The following IRAG1 variants were observed in gnomAD, a reference collection of about 807,000 sequenced individuals.
IRAG1 encodes inositol 1,4,5-triphosphate receptor associated 1, also known as IP3R-associated cGMP kinase substrate.
Under a neutral mutation model 106.2 loss-of-function variants are expected in IRAG1, and 62 were observed. That is an observed-to-expected ratio of 0.58 (90% CI 0.48 to 0.72). The LOEUF (loss-of-function observed/expected upper bound fraction) is 0.72. Among genes scored for constraint, IRAG1 ranks in the 30% least tolerant of loss-of-function variants. The pLI is 0.00. For missense variants in IRAG1, 1,064 were observed against 1,140.7 expected (o/e 0.93, Z 0.97); for synonymous variants, 462 against 443.9 (o/e 1.04, Z -0.51).
intron 1 of IRAG1, among the ~76,000 whole-genome samples, chr11:10,654,282 G>A (rs987993593): frequency 6.6e-6 from 1 of 152,210 alleles, no homozygotes; most frequent in African/African-American, 2.4e-5. Flanking sequence ...TGAGCTCCTT[G>A]AGCTAGGCAA....
intron 1 of IRAG1, among the ~76,000 whole-genome samples, chr11:10,656,037 G>A (rs1858895135): frequency 6.6e-6 from 1 of 152,134 alleles, no homozygotes; most frequent in Non-Finnish European, 1.5e-5. Context: ...AAAATAGCAA[G>A]GTAAAAGGAG....
At chr11:10,618,218 T>TGC (rs1855576026) in intron 10 of IRAG1, among the ~76,000 whole-genome samples, 3 of 152,138 alleles carry the variant, frequency 2.0e-5, no homozygotes, top group African/African-American at 7.2e-5. Flanking sequence ...TTGGGATGAC[T>TGC]TTCTCTTCCC....
rs35468145 is a variant in IRAG1, at chr11:10,626,448, G to A, written c.886C>T (p.Leu296Phe). ...TTGGGTGTGGTCTCGGGGTACTGGA[G>A]GGGATCGAAGTTTTCCTTTTGTTCT... ...AIEQKENFDP[L>F]QYPETTPKGL... Residue 296 changes from leucine to phenylalanine, a missense_variant, in exon 9 of 21, where the codon CTC becomes TTC. Leu to Phe is a conservative substitution (Grantham distance 22, BLOSUM62 0). Transcript: ENST00000423302. 0.039 allele frequency: 62,434 copies of A among 1,613,876 alleles called. 1,476 individuals carry two copies. The highest frequency in any genetic ancestry group is 0.055 in the South Asian group (4,994 of 91,062).
chr11:10,680,808 C>T (rs1156801417), intron 1 of IRAG1, among the ~76,000 whole-genome samples: 1 of 152,122 alleles, frequency 6.6e-6, no homozygotes, highest in East Asian at 1.9e-4. Context: ...AGAACAATGC[C>T]TTTTGTGACA....
intron 17 of IRAG1, among the ~76,000 whole-genome samples, chr11:10,592,617 TAGAG>T (rs1032502492): frequency 4.6e-5 from 7 of 152,150 alleles, no homozygotes; most frequent in Non-Finnish European, 1.0e-4. Flanking sequence ...AAGAAAGAAT[TAGAG>T]AGAATTAGCC....
rs546509492 is a variant in IRAG1, at chr11:10,643,015, C to G, written c.226-8944G>C. Among the ~76,000 whole-genome samples, 158 of 152,000 alleles carry G rather than the reference C, an allele frequency of 1.0e-3. 1 individual carries two copies. The highest frequency in any genetic ancestry group is 3.6e-3 in the African/African-American group (150 of 41,474). ...TGAAACCCCGTCTCTACTAAAAATA[C>G]AAAAGCAAAATTAGCCGGGCATGGT... On this transcript the variant is annotated intron_variant, in intron 2 of 20. Transcript: ENST00000423302.
intron 15 of IRAG1, among the ~76,000 whole-genome samples, chr11:10,597,818 A>C (rs774916133): frequency 6.6e-6 from 1 of 152,214 alleles, no homozygotes; most frequent in Non-Finnish European, 1.5e-5. Flanking sequence ...AGTCATCTTC[A>C]GTGAGGCTTT....
chr11:10,661,792 C>A (rs1394714402), intron 1 of IRAG1, among the ~76,000 whole-genome samples: 2 of 152,154 alleles, frequency 1.3e-5, no homozygotes, highest in Admixed American at 6.5e-5. Flanking sequence ...CCAATTTAAT[C>A]ATATCTGCAA....
rs1202898949 is a variant in IRAG1 at position 10,576,403 on chromosome 11, T to G, written c.2668A>C (p.Thr890Pro). 2.5e-6 allele frequency: 4 copies of G among 1,613,840 alleles called. No homozygotes were observed. Residue 890 changes from threonine to proline, a missense_variant, in exon 21 of 21, where the codon ACT becomes CCT. Transcript: ENST00000423302. ...GAGTCCCTCTGGGCTGCCGAGCAAG[T>G]GGATCTTCCAAGGGGCCCATCAGCC... ...EQADGPLGRS[T>P]CSAAQRDSWW...
chr11:10,687,875 T>TG, intron 1 of IRAG1: 2 of 1,122,722 alleles, frequency 1.8e-6, no homozygotes, highest in African/African-American at 3.7e-5. Context: ...TTGCTTTTTT[T>TG]TGGGGGGGGG....
In IRAG1 at chr11:10,575,035, T is replaced by C. The variant is rs1331736263; in HGVS notation, c.*1297A>G. Reference sequence around the variant, plus strand: ...TGGCTCATAGTAAGTCGTATATGAGTTTTAGCAATGAAAGCAAACAATATC... The same window carrying C: ...TGGCTCATAGTAAGTCGTATATGAGCTTTAGCAATGAAAGCAAACAATATC... On this transcript the variant is annotated 3_prime_UTR_variant, in exon 21 of 21. Coordinates refer to ENST00000423302, the MANE Select transcript of IRAG1 (RefSeq NM_130385.4). 1.3e-5 allele frequency: 2 copies of C among 152,052 alleles called. No homozygotes were observed. The highest frequency in any genetic ancestry group is 4.8e-5 in the African/African-American group (2 of 41,392). 9.4% of individuals were successfully genotyped at this position (152,052 alleles called of 1,614,324 possible). A position where few individuals can be genotyped will look rare whatever the true frequency, so the allele number is the denominator to read the frequency against.
At chr11:10,591,699 CG>C in intron 17 of IRAG1, 87 bp from the exon 18 acceptor site, 2 of 1,205,614 alleles carry the variant, frequency 1.7e-6, no homozygotes, top group South Asian at 2.6e-5. Flanking sequence ...ATGCTGGGAG[CG>C]GGGCTGCTGC....
intron 9 of IRAG1, among the ~76,000 whole-genome samples, chr11:10,624,302 C>A (rs143860280): frequency 1.3e-5 from 2 of 152,252 alleles, no homozygotes; most frequent in South Asian, 4.1e-4. Context: ...CCTGTCATTC[C>A]GGGCAGTGAC....
chr11:10,600,897 G>A, intron 15 of IRAG1, 21 bp downstream of exon 15: 3 of 1,613,762 alleles, frequency 1.9e-6, no homozygotes, highest in Non-Finnish European at 2.5e-6. Flanking sequence ...GCCAAGATGG[G>A]GCAGGAGCCT....
intron 2 of IRAG1, among the ~76,000 whole-genome samples, chr11:10,649,026 G>A (rs1858223024): frequency 6.6e-6 from 1 of 152,146 alleles, no homozygotes; most frequent in South Asian, 2.1e-4. Context: ...GGGAATTCAG[G>A]CAGGATTGGG....
At chr11:10,594,849 C>T (rs1373659460) in intron 15 of IRAG1, among the ~76,000 whole-genome samples, 1 of 152,158 alleles carries the variant, frequency 6.6e-6, no homozygotes, top group Non-Finnish European at 1.5e-5. Context: ...ATTTAGCCTG[C>T]ATATCTCTCT....
At chr11:10,576,666 T>G (rs935959108) in intron 20 of IRAG1, 91 bp from the exon 21 acceptor site, 2 of 1,523,028 alleles carry the variant, frequency 1.3e-6, no homozygotes, top group Admixed American at 1.7e-5. Flanking sequence ...ATAGCTTCCA[T>G]GCTGTCTTGA....
chr11:10,598,018 A>G (rs1304963085), intron 15 of IRAG1, among the ~76,000 whole-genome samples: 2 of 152,208 alleles, frequency 1.3e-5, no homozygotes, highest in Non-Finnish European at 2.9e-5. Flanking sequence ...TTTTCCTACT[A>G]CAGTCCAGGG....
chr11:10,641,723 T>C (rs1857525683), intron 2 of IRAG1, among the ~76,000 whole-genome samples: 1 of 152,150 alleles, frequency 6.6e-6, no homozygotes, highest in East Asian at 1.9e-4. Context: ...ACTCATAGAA[T>C]TGTGAAGAGG....
Sources: gnomAD v4.1 joint callset for allele counts (sites outside exome capture counted in the v4.1 genomes callset) on GRCh38, gnomAD v4.1.1 for gene constraint, MANE v1.5 for transcripts, NCBI Gene and HGNC (gene_info 2026-07-23, HGNC 2026-07-21) for gene names.